PI4K2A: variants seen among roughly 807,000 people sequenced by gnomAD.
The protein encoded by PI4K2A is phosphatidylinositol 4-kinase type 2 alpha.
PI4K2A carries 20 observed loss-of-function variants against 55.0 expected under a neutral mutation model. The ratio of observed to expected loss-of-function variants is 0.36; its 90% CI spans 0.26 to 0.53. The LOEUF (loss-of-function observed/expected upper bound fraction) is 0.53, where lower values mean the gene tolerates loss of function less well. Ranked by LOEUF, PI4K2A falls within the 20% of genes least tolerant of loss-of-function variation. The pLI is 0.91. For synonymous variants in PI4K2A, 235 were observed against 258.5 expected (o/e 0.91, Z 0.87); for missense variants, 463 against 637.1 (o/e 0.73, Z 2.94).
chr10:97,661,277 C>T (rs1263514074), intron 4 of PI4K2A, among the ~76,000 whole-genome samples: 1 of 152,112 alleles, frequency 6.6e-6, no homozygotes, highest in African/African-American at 2.4e-5. Context: ...AGGAGTGAGC[C>T]ACCGCGCCCG....
At chr10:97,647,177 G>A (rs1475743018) in intron 1 of PI4K2A, among the ~76,000 whole-genome samples, 1 of 152,070 alleles carries the variant, frequency 6.6e-6, no homozygotes, top group African/African-American at 2.4e-5. Context: ...TTCATGGACT[G>A]CTACTGCTTA....
At chr10:97,668,494 C>T (rs915038727) in intron 8 of PI4K2A, among the ~76,000 whole-genome samples, 10 of 152,098 alleles carry the variant, frequency 6.6e-5, no homozygotes, top group African/African-American at 2.4e-4. Context: ...GGAAGGATTG[C>T]TTGGGCCTGG....
chr10:97,664,523 T>TA (rs780440512), intron 5 of PI4K2A, among the ~76,000 whole-genome samples: 11 of 152,206 alleles, frequency 7.2e-5, no homozygotes, highest in Non-Finnish European at 1.2e-4. Flanking sequence ...GGCCAACTGA[T>TA]ATGGATTTTA....
At chr10:97,640,877 C>G (rs1462203732) in exon 1 of PI4K2A, 40 of 1,307,354 alleles carry the variant, frequency 3.1e-5, no homozygotes, top group Non-Finnish European at 3.9e-5. Context: ...CCGGCTCGGG[C>G]CCCTCTCCGC....
chr10:97,661,873 G>A (rs1408060413), intron 4 of PI4K2A, among the ~76,000 whole-genome samples: 2 of 143,158 alleles, frequency 1.4e-5, no homozygotes, highest in Admixed American at 1.5e-4. Context: ...TTTTTTTTGA[G>A]GCAGGGTCTC....
At chr10:97,675,891 C>G (rs559914972) in exon 9 of PI4K2A, 1 of 152,638 alleles carries the variant, frequency 6.6e-6, no homozygotes, top group African/African-American at 2.4e-5. Flanking sequence ...CATGGAACAC[C>G]GTCCCTCTGC....
chr10:97,673,458 C>A, intron 8 of PI4K2A, 123 bp from the exon 9 acceptor site: 1 of 701,836 alleles, frequency 1.4e-6, no homozygotes, highest in Non-Finnish European at 2.3e-6. Context: ...GGCCTATTTG[C>A]ATGATTTTCC....
In PI4K2A at chr10:97,656,693, A is replaced by G. The variant is rs1343900272; in HGVS notation, c.769-128A>G. 1 of 828,980 alleles carries G rather than the reference A, an allele frequency of 1.2e-6. No homozygotes were observed. Among genetic ancestry groups the G allele is most frequent in the Non-Finnish European group, 2.0e-6 (1 of 505,164 alleles). The allele number at this position is 828,980 out of a possible 1,614,324, so 51.4% of individuals were successfully genotyped here. ...GTACTTGCAAGAAATGAGGAAGTAA[A>G]GATCTTGAAAAGTTTTCCTTCTCTG... On this transcript the variant is annotated intron_variant, in intron 3 of 8. Transcript: ENST00000370631. The surrounding 1 kb of genome is among the most constrained non-coding windows in gnomAD (Gnocchi z 4.5).
intron 5 of PI4K2A, among the ~76,000 whole-genome samples, chr10:97,664,586 C>T (rs999427376): frequency 2.0e-5 from 3 of 152,170 alleles, no homozygotes; most frequent in Non-Finnish European, 4.4e-5. Flanking sequence ...GGAGGAATGG[C>T]TTATAGTTAT....
intron 2 of PI4K2A, among the ~76,000 whole-genome samples, chr10:97,655,878 A>T (rs1191914253): frequency 6.6e-6 from 1 of 151,962 alleles, no homozygotes; most frequent in African/African-American, 2.4e-5. Flanking sequence ...CCTGGCCAGG[A>T]GTGTATTTCT....
At chr10:97,648,936 G>C (rs1034593621) in intron 1 of PI4K2A, among the ~76,000 whole-genome samples, 1 of 152,202 alleles carries the variant, frequency 6.6e-6, no homozygotes, top group African/African-American at 2.4e-5. Context: ...AGAATAAATT[G>C]ATTCTTTTTG....
At position 97,667,254 on chromosome 10, in the gene PI4K2A, G is replaced by T. The variant is rs2041614576; in HGVS notation, c.1278+134G>T. On this transcript the variant is annotated intron_variant, in intron 8 of 8. Transcript: ENST00000370631. ...AGACCGAGTCTCACTCTGTCACCCAGGCTAAAGTGCAGTGGCATGATCTCT... is the reference window on the plus strand; with the variant it reads ...AGACCGAGTCTCACTCTGTCACCCATGCTAAAGTGCAGTGGCATGATCTCT... The T allele has an allele frequency of 7.9e-6, 5 of 633,130 alleles. No individual in the cohort carries two copies. In the Admixed American group the frequency reaches 1.3e-4, roughly 17 times the overall value. 39.2% of individuals were successfully genotyped at this position (633,130 alleles called of 1,614,324 possible).
intron 1 of PI4K2A, 54 bp downstream of exon 1, chr10:97,641,231 G>A (rs1459169372): frequency 6.0e-6 from 8 of 1,329,472 alleles, no homozygotes; most frequent in African/African-American, 6.0e-5. Context: ...CGGCGCTCCT[G>A]GGGAGTTGGG....
chr10:97,662,990 T>A, intron 5 of PI4K2A, 22 bp downstream of exon 5: 1 of 1,466,408 alleles, frequency 6.8e-7, no homozygotes. Flanking sequence ...AGATAAATCT[T>A]AAAGAGAATG....
chr10:97,652,756 C>T (rs2041535467), intron 2 of PI4K2A, among the ~76,000 whole-genome samples: 1 of 152,194 alleles, frequency 6.6e-6, no homozygotes, highest in African/African-American at 2.4e-5. Flanking sequence ...AATTAGCCAA[C>T]TAGTTTGTAA....
chr10:97,669,295 G>A (rs1187450975), intron 8 of PI4K2A, among the ~76,000 whole-genome samples: 3 of 152,206 alleles, frequency 2.0e-5, no homozygotes, highest in African/African-American at 7.2e-5. Flanking sequence ...TAAAAGCCAT[G>A]TGATAGACTC....
intron 8 of PI4K2A, among the ~76,000 whole-genome samples, chr10:97,668,055 G>T (rs920211866): frequency 2.6e-5 from 4 of 152,152 alleles, no homozygotes; most frequent in Non-Finnish European, 4.4e-5. Flanking sequence ...GCATAGTAAA[G>T]AAATGCTTGA....
chr10:97,664,152 T>G (rs1271616264), intron 5 of PI4K2A, among the ~76,000 whole-genome samples: 1 of 152,212 alleles, frequency 6.6e-6, no homozygotes, highest in Non-Finnish European at 1.5e-5. Context: ...CCTTAGAAAC[T>G]GATTCATCAG....
At chr10:97,644,478 C>G (rs2041494553) in intron 1 of PI4K2A, among the ~76,000 whole-genome samples, 1 of 152,094 alleles carries the variant, frequency 6.6e-6, no homozygotes, top group African/African-American at 2.4e-5. Flanking sequence ...TCATTTACAC[C>G]TCATGTAAAA....
Sources: gnomAD v4.1 joint callset for allele counts (sites outside exome capture counted in the v4.1 genomes callset) on GRCh38, gnomAD v4.1.1 for gene constraint, Gnocchi (gnomAD v3.1) non-coding constraint, MANE v1.5 for transcripts, NCBI Gene and HGNC (gene_info 2026-07-23, HGNC 2026-07-21) for gene names.